Variants in ZPLD1 observed in about 807,000 individuals in gnomAD.
ZPLD1 encodes zona pellucida-like domain-containing protein 1.
A neutral mutation model predicts 47.2 loss-of-function variants in ZPLD1; 34 were observed. That is an observed-to-expected ratio of 0.72 (90% CI 0.55 to 0.96). ZPLD1 has a LOEUF of 0.96. Ranked by LOEUF, ZPLD1 falls within the 40% of genes least tolerant of loss-of-function variation. The pLI is 0.00. For synonymous variants in ZPLD1, 176 were observed against 186.2 expected (o/e 0.95, Z 0.45); for missense variants, 512 against 505.8 (o/e 1.01, Z -0.12).
intron 8 of ZPLD1, among the ~76,000 whole-genome samples, chr3:102,467,450 A>G (rs975826193): frequency 6.6e-6 from 1 of 152,146 alleles, no homozygotes; most frequent in Non-Finnish European, 1.5e-5. Context: ...ACAATTATTA[A>G]AGGAATGTGA....
intron 4 of ZPLD1, among the ~76,000 whole-genome samples, chr3:102,453,503 T>C (rs943323359): frequency 6.6e-6 from 1 of 152,202 alleles, no homozygotes; most frequent in Non-Finnish European, 1.5e-5. Context: ...AGTCTGGCAG[T>C]GAACCGCTTG....
At chr3:102,477,113 A>G in intron 11 of ZPLD1, 72 bp downstream of exon 11, 1 of 1,535,554 alleles carries the variant, frequency 6.5e-7, no homozygotes, top group Non-Finnish European at 9.0e-7. Context: ...TAATCATCTA[A>G]GTGTAATGAG....
intron 8 of ZPLD1, among the ~76,000 whole-genome samples, chr3:102,426,872 T>C (rs909256757): frequency 6.6e-6 from 1 of 152,164 alleles, no homozygotes; most frequent in Non-Finnish European, 1.5e-5. Flanking sequence ...ATTTTAGAAA[T>C]TATTATTTCA....
At chr3:102,401,939 A>T (rs947322965) in intron 7 of ZPLD1, among the ~76,000 whole-genome samples, 1 of 152,062 alleles carries the variant, frequency 6.6e-6, no homozygotes, top group Non-Finnish European at 1.5e-5. Context: ...TTTTAAAACC[A>T]GTTTTCACCA....
chr3:102,400,758 A>G (rs898302744), intron 7 of ZPLD1, among the ~76,000 whole-genome samples: 3 of 151,882 alleles, frequency 2.0e-5, no homozygotes, highest in Non-Finnish European at 2.9e-5. Context: ...CTATTTCCAC[A>G]CCTGATGCAG....
At chr3:102,470,075 G>T (rs942925435) in intron 9 of ZPLD1, among the ~76,000 whole-genome samples, 4 of 152,080 alleles carry the variant, frequency 2.6e-5, no homozygotes, top group Non-Finnish European at 4.4e-5. Context: ...CAACATTTCC[G>T]GGAAGGATTT....
intron 10 of ZPLD1, among the ~76,000 whole-genome samples, chr3:102,471,483 T>C (rs1037265904): frequency 6.6e-6 from 1 of 152,236 alleles, no homozygotes; most frequent in Non-Finnish European, 1.5e-5. Flanking sequence ...TATAATCTAA[T>C]GGACACAACT....
At chr3:102,421,481 T>C (rs1301007996) in intron 8 of ZPLD1, among the ~76,000 whole-genome samples, 1 of 151,910 alleles carries the variant, frequency 6.6e-6, no homozygotes, top group African/African-American at 2.4e-5. Context: ...TTAAAAACTT[T>C]GGTGCATTTG....
intron 9 of ZPLD1, among the ~76,000 whole-genome samples, chr3:102,470,010 G>A (rs940222987): frequency 2.0e-5 from 3 of 152,130 alleles, no homozygotes; most frequent in African/African-American, 2.4e-5. Flanking sequence ...GGACTAATAA[G>A]CTATGACAGA....
At chr3:102,399,324 T>G (rs1250294449) in intron 7 of ZPLD1, among the ~76,000 whole-genome samples, 1 of 152,120 alleles carries the variant, frequency 6.6e-6, no homozygotes, top group East Asian at 1.9e-4. Context: ...ATATGTAATC[T>G]TCTCCATGCC....
At chr3:102,424,552 T>C (rs1228893990) in intron 8 of ZPLD1, among the ~76,000 whole-genome samples, 2 of 152,182 alleles carry the variant, frequency 1.3e-5, no homozygotes, top group Admixed American at 6.5e-5. Context: ...TTTCCTCTTG[T>C]TTGCTACTTC....
chr3:102,452,094 C>T (rs1051492466), intron 3 of ZPLD1, among the ~76,000 whole-genome samples: 19 of 145,696 alleles, frequency 1.3e-4, no homozygotes, highest in African/African-American at 3.9e-4. Flanking sequence ...AGAAAAATAA[C>T]CAAATAGAGA....
At chr3:102,437,632 T>C (rs887649540) in intron 2 of ZPLD1, among the ~76,000 whole-genome samples, 5 of 152,252 alleles carry the variant, frequency 3.3e-5, no homozygotes, top group African/African-American at 1.2e-4. Flanking sequence ...TCCTGAAAGA[T>C]GTTTTAACTC....
At chr3:102,439,800 C>A (rs181380764) in intron 3 of ZPLD1, among the ~76,000 whole-genome samples, 2 of 152,130 alleles carry the variant, frequency 1.3e-5, no homozygotes, top group African/African-American at 4.8e-5. Context: ...TTTACGTATA[C>A]GTCTAATAAG....
At chr3:102,443,054 G>A (rs914704506) in intron 3 of ZPLD1, among the ~76,000 whole-genome samples, 17 of 152,166 alleles carry the variant, frequency 1.1e-4, no homozygotes, top group Admixed American at 3.3e-4. Context: ...TATATTTTCC[G>A]AAGCCAGGCC....
intron 8 of ZPLD1, chr3:102,418,292 A>G (rs1011160694): frequency 1.3e-5 from 2 of 151,866 alleles, no homozygotes; most frequent in African/African-American, 4.9e-5. Context: ...TAATTTAATA[A>G]TGTTTTCTTT....
At chr3:102,389,778 T>C (rs1706474968) in intron 6 of ZPLD1, among the ~76,000 whole-genome samples, 1 of 152,164 alleles carries the variant, frequency 6.6e-6, no homozygotes, top group Non-Finnish European at 1.5e-5. Context: ...GGCATATTCT[T>C]AGATGGTCAC....
intron 10 of ZPLD1, among the ~76,000 whole-genome samples, chr3:102,475,982 G>A (rs1377685514): frequency 6.6e-6 from 1 of 151,990 alleles, no homozygotes; most frequent in African/African-American, 2.4e-5. Context: ...TTAGAAAAAG[G>A]CCTCTGAAAC....
Position 102,389,955 on chromosome 3 carries a change from T to C in ZPLD1, c.-212-2215T>C, listed in dbSNP as rs370009146. Among the ~76,000 whole-genome samples, 16 of 152,270 alleles carry C rather than the reference T, an allele frequency of 1.1e-4. No individual in the cohort carries two copies. In the East Asian group the frequency reaches 2.9e-3, roughly 28 times the overall value. ...TGATGGTGGTAGGGTTGATAGCATA[T>C]TGGATATTGAAAAAATATAAGTGTA... On this transcript the variant is annotated intron_variant, in intron 6 of 17. Coordinates refer to the ZPLD1 transcript ENST00000491959.
Sources: allele counts gnomAD v4.1 joint callset (sites outside exome capture counted in the v4.1 genomes callset), GRCh38; gene constraint gnomAD v4.1.1; transcripts MANE v1.5; gene names NCBI Gene and HGNC (gene_info 2026-07-23, HGNC 2026-07-21).